ANKRD42: variants seen among roughly 807,000 people sequenced by gnomAD.
ANKRD42 encodes the protein ankyrin repeat domain-containing protein 42.
A neutral mutation model predicts 51.5 loss-of-function variants in ANKRD42; 43 were observed. The observed-to-expected ratio is 0.83, with a 90% CI of 0.65 to 1.08. ANKRD42 has a LOEUF of 1.08. Among genes scored for constraint, ANKRD42 ranks in the 50% least tolerant of loss-of-function variants. The probability of loss-of-function intolerance (pLI) is 0.00; values close to 1 mark genes in which losing one functional copy is unlikely to be tolerated. For missense variants in ANKRD42, 608 were observed against 629.3 expected (o/e 0.97, Z 0.36); for synonymous variants, 203 against 213.0 (o/e 0.95, Z 0.41).
chr11:83,259,130 C>CAA (rs1863826947), downstream of ANKRD42: 1 of 152,168 alleles, frequency 6.6e-6, no homozygotes, highest in Admixed American at 6.5e-5. Context: ...AGGCGTTTAA[C>CAA]AAGTACCTCA....
At chr11:83,209,505 A>T in intron 3 of ANKRD42, 1 of 1,100,056 alleles carries the variant, frequency 9.1e-7, no homozygotes. Flanking sequence ...CGTAAAACCC[A>T]TTTGATGTCT....
At position 83,199,059 on chromosome 11, in the gene ANKRD42, G is replaced by C. The variant is rs773455115; in HGVS notation, c.222+417G>C. On this transcript the variant is annotated intron_variant, in intron 2 of 10. Coordinates refer to ENST00000533342, the MANE Select transcript of ANKRD42 (RefSeq NM_001300975.2). Reference sequence around the variant, plus strand: ...GCCTATTTGTGAGGTTTCTACATGTGAGCTAGTTTCTACTTCCTCACAATA... The same window carrying C: ...GCCTATTTGTGAGGTTTCTACATGTCAGCTAGTTTCTACTTCCTCACAATA... 3.5e-4 allele frequency among the ~76,000 whole-genome samples: 53 copies of C among 152,188 alleles called. 1 individual carries two copies. The highest frequency in any genetic ancestry group is 2.9e-5 in the Non-Finnish European group (2 of 68,026).
At chr11:83,212,590 A>G (rs1338282354) in intron 5 of ANKRD42, 25 of 1,317,678 alleles carry the variant, frequency 1.9e-5, no homozygotes, top group Non-Finnish European at 2.6e-5. Context: ...TAAAGAAACA[A>G]ACACACAAAG....
At chr11:83,224,303 T>C (rs1862806067) in intron 5 of ANKRD42, among the ~76,000 whole-genome samples, 1 of 152,218 alleles carries the variant, frequency 6.6e-6, no homozygotes, top group South Asian at 2.1e-4. Flanking sequence ...TAAATTTTAC[T>C]TATTTATTTT....
downstream of ANKRD42, chr11:83,259,708 T>G (rs148647085): frequency 2.6e-5 from 4 of 152,226 alleles, no homozygotes; most frequent in Non-Finnish European, 5.9e-5. Context: ...TGGAGTGCAG[T>G]GACTATTTAT....
Position 83,226,581 on chromosome 11 carries a change from A to G in ANKRD42, c.788-1166A>G, listed in dbSNP as rs944079111. Reference sequence around the variant, plus strand: ...ACGACTTGATTTTAAGACTTTTACTATAATGCTATGGTAATCAAGGCAGTG... The same window carrying G: ...ACGACTTGATTTTAAGACTTTTACTGTAATGCTATGGTAATCAAGGCAGTG... On this transcript the variant is annotated intron_variant, in intron 6 of 10. Transcript: ENST00000533342. 3.3e-5 allele frequency among the ~76,000 whole-genome samples: 5 copies of G among 152,242 alleles called. No individual in the cohort carries two copies. The East Asian group carries it at 5.8e-4, about 18-fold the overall frequency.
chr11:83,256,934 C>G (rs908660930), downstream of ANKRD42, among the ~76,000 whole-genome samples: 1 of 152,070 alleles, frequency 6.6e-6, no homozygotes, highest in African/African-American at 2.4e-5. Context: ...ATAAAATATA[C>G]CTACCTCATA....
At chr11:83,206,251 A>G in intron 3 of ANKRD42, 86 bp downstream of exon 3, 2 of 1,127,056 alleles carry the variant, frequency 1.8e-6, no homozygotes, top group Non-Finnish European at 1.3e-6. Flanking sequence ...ATTTGACTCA[A>G]TAGATTTAGT....
At chr11:83,260,880 C>T (rs757062878), downstream of ANKRD42, 6 of 151,982 alleles carry the variant, frequency 3.9e-5, no homozygotes, top group African/African-American at 1.5e-4. Flanking sequence ...AGAGTAGGTA[C>T]TAGATATCAA....
In ANKRD42 at chr11:83,198,478, G is replaced by A; in HGVS notation, c.59-1G>A. On this transcript the variant is annotated splice_acceptor_variant, in intron 1 of 10. Transcript: ENST00000533342. LOFTEE classifies it high-confidence loss of function. ...TTGTAAGTAATTTGATTTTTCAATA[G>A]GTTCCAGGAAGAAGGTGCATTTTGG... The A allele has an allele frequency of 6.2e-7, 1 of 1,605,580 alleles. No homozygotes were observed. The highest frequency in any genetic ancestry group is 8.5e-7 in the Non-Finnish European group (1 of 1,175,548).
chr11:83,262,092 T>A, downstream of ANKRD42: 1 of 608,650 alleles, frequency 1.6e-6, no homozygotes, highest in Non-Finnish European at 2.8e-6. Flanking sequence ...CTATCCTATG[T>A]TTTTTATTCC....
intron 5 of ANKRD42, among the ~76,000 whole-genome samples, chr11:83,220,868 TTAC>T (rs1023006053): frequency 5.9e-5 from 9 of 152,184 alleles, no homozygotes; most frequent in Non-Finnish European, 5.9e-5. Context: ...TTGGGTGGTC[TTAC>T]TACGGTTGAA....
intron 2 of ANKRD42, among the ~76,000 whole-genome samples, chr11:83,204,826 GA>G (rs538527306): frequency 4.1e-4 from 62 of 152,072 alleles, no homozygotes; most frequent in African/African-American, 1.5e-3. Context: ...TCAGCAGTAA[GA>G]AAAAAAATTT....
rs974710925 is a variant in ANKRD42, at chr11:83,210,407, C to T, written c.438C>T (p.Leu146=). Residue 146 remains leucine (L), a synonymous_variant, in exon 4 of 11, where the codon CTC becomes CTT. Coordinates refer to ENST00000533342, the MANE Select transcript of ANKRD42 (RefSeq NM_001300975.2). ...HGHSFTLQIM[L]RSGVDPSVTD... is the part of the protein sequence containing the mutation. ...ATTCTTTCACTTTACAAATAATGCT[C>T]CGAAGTGGAGTGGTGAGTGACTCCT... The T allele has an allele frequency of 1.9e-6, 3 of 1,613,722 alleles. No individual in the cohort carries two copies. The highest frequency in any genetic ancestry group is 2.7e-5 in the African/African-American group (2 of 74,894).
At chr11:83,234,736 G>A (rs547205133) in intron 7 of ANKRD42, among the ~76,000 whole-genome samples, 10 of 152,218 alleles carry the variant, frequency 6.6e-5, no homozygotes, top group Middle Eastern at 3.4e-3. Flanking sequence ...TGCCATTTTT[G>A]TCTAAAGTGG....
chr11:83,194,761 T>A, intron 1 of ANKRD42, 33 bp downstream of exon 1: 4 of 1,536,916 alleles, frequency 2.6e-6, no homozygotes, highest in Non-Finnish European at 3.5e-6. Context: ...TTCATCTCTG[T>A]CGTATTCCTT....
intron 5 of ANKRD42, among the ~76,000 whole-genome samples, chr11:83,219,094 T>C (rs183564312): frequency 4.9e-4 from 74 of 152,284 alleles, no homozygotes; most frequent in African/African-American, 1.6e-3. Flanking sequence ...GTGGTGCTCA[T>C]CCGGAATTTT....
rs1453970374 is a variant in ANKRD42 at position 83,248,541 on chromosome 11, G to C, written c.*337G>C. 3 of 999,886 alleles carry C rather than the reference G, an allele frequency of 3.0e-6. No individual in the cohort carries two copies. The East Asian group carries it at 3.0e-4, about 99-fold the overall frequency. 61.9% of individuals were successfully genotyped at this position (999,886 alleles called of 1,614,324 possible). The stretch of plus-strand genomic sequence containing the variant: ...TAACCAAAATAAAGTGCTTTGAATG[G>C]AATCCATATTTTCTTTCCATAGGGA... On this transcript the variant is annotated 3_prime_UTR_variant, in exon 11 of 11. Transcript: ENST00000533342.
chr11:83,213,280 CA>C, intron 5 of ANKRD42: 1 of 1,595,082 alleles, frequency 6.3e-7, no homozygotes, highest in South Asian at 1.1e-5. Flanking sequence ...TGATGTGCAA[CA>C]GATCTTACTG....
Sources: gnomAD v4.1 joint callset for allele counts (sites outside exome capture counted in the v4.1 genomes callset) on GRCh38, gnomAD v4.1.1 for gene constraint, MANE v1.5 for transcripts, NCBI Gene and HGNC (gene_info 2026-07-23, HGNC 2026-07-21) for gene names.